OPRM1: variants seen among roughly 807,000 people sequenced by gnomAD.
The protein encoded by OPRM1 is mu-type opioid receptor.
OPRM1 carries 27 observed loss-of-function variants against 31.8 expected under a neutral mutation model. The observed-to-expected ratio is 0.85, with a 90% CI of 0.63 to 1.17. OPRM1 has a LOEUF of 1.17. Ranked by LOEUF, OPRM1 falls within the 50% of genes most tolerant of loss-of-function variation. The pLI is 0.00. For missense variants in OPRM1, 536 were observed against 511.1 expected, an observed-to-expected ratio of 1.05 and a Z score of -0.47; for synonymous variants, 196 against 189.9, an observed-to-expected ratio of 1.03 and a Z score of -0.26.
intron 1 of OPRM1, chr6:154,087,540 A>G (rs770999845): frequency 4.1e-6 from 4 of 985,328 alleles, no homozygotes; most frequent in South Asian, 4.7e-5. Context: ...TTTTCAGACA[A>G]GCTCCTCCAG....
intron 1 of OPRM1, among the ~76,000 whole-genome samples, chr6:154,070,521 AG>A (rs1786472712): frequency 6.6e-6 from 1 of 152,238 alleles, no homozygotes; most frequent in Non-Finnish European, 1.5e-5. Flanking sequence ...AACTCTTTAG[AG>A]CAATGCCTGG....
At position 154,129,850 on chromosome 6, in the gene OPRM1, C is replaced by A. The variant is rs628648; in HGVS notation, c.*11129C>A. 0.71 allele frequency among the ~76,000 whole-genome samples: 99,273 copies of A among 139,496 alleles called. 33,611 individuals are homozygous for A. Among genetic ancestry groups the A allele is most frequent in the East Asian group, 0.9 (4,557 of 5,036 alleles). The allele number at this position is 139,496 out of a possible 152,430, so 91.5% of individuals were successfully genotyped here. On this transcript the variant is annotated 3_prime_UTR_variant, in exon 4 of 4. Transcript: ENST00000330432. ...CTTTACCACCGACACCCTCCCCCCC[C>A]AGCACACACACACACACACACACAC...
At chr6:154,116,246 T>A (rs558984656) in intron 3 of OPRM1, among the ~76,000 whole-genome samples, 1 of 152,194 alleles carries the variant, frequency 6.6e-6, no homozygotes, top group East Asian at 1.9e-4. Flanking sequence ...CCCTCAGGCT[T>A]TAAATAGCTT....
At chr6:154,027,365 G>A (rs531719459) in intron 1 of OPRM1, among the ~76,000 whole-genome samples, 1 of 152,290 alleles carries the variant, frequency 6.6e-6, no homozygotes, top group Admixed American at 6.5e-5. Flanking sequence ...TGTGGAGCTG[G>A]TGGTGGTGTG....
At chr6:154,025,039 G>A (rs1270469573) in intron 1 of OPRM1, among the ~76,000 whole-genome samples, 1 of 151,964 alleles carries the variant, frequency 6.6e-6, no homozygotes, top group Non-Finnish European at 1.5e-5. Flanking sequence ...AAGTCCATTT[G>A]GTCTATAGTA....
chr6:154,154,591 A>C (rs1281255369), intron 3 of OPRM1: 2 of 152,242 alleles, frequency 1.3e-5, no homozygotes, highest in Non-Finnish European at 2.9e-5. Flanking sequence ...CTTGTTGTAG[A>C]CGATCAAAAC....
intron 1 of OPRM1, among the ~76,000 whole-genome samples, chr6:154,081,101 A>C (rs1789005945): frequency 6.6e-6 from 1 of 152,224 alleles, no homozygotes; most frequent in African/African-American, 2.4e-5. Context: ...ACGGCAAGCA[A>C]GCACAGATGT....
At chr6:154,223,608 A>G (rs1185062792) in intron 3 of OPRM1, among the ~76,000 whole-genome samples, 1 of 152,212 alleles carries the variant, frequency 6.6e-6, no homozygotes, top group Non-Finnish European at 1.5e-5. Flanking sequence ...TTCTATTCCT[A>G]CGACTCTAGT....
At chr6:154,080,614 A>T (rs998056916) in intron 1 of OPRM1, among the ~76,000 whole-genome samples, 2 of 151,762 alleles carry the variant, frequency 1.3e-5, no homozygotes, top group Admixed American at 1.3e-4. Flanking sequence ...CTGGAACTTG[A>T]TCCTTCTCTG....
At chr6:154,222,649 T>C (rs1180442817) in intron 3 of OPRM1, among the ~76,000 whole-genome samples, 1 of 152,148 alleles carries the variant, frequency 6.6e-6, no homozygotes, top group Non-Finnish European at 1.5e-5. Context: ...GACCATGAGC[T>C]GGTAATTTTT....
At chr6:154,071,021 G>T (rs139821892) in intron 1 of OPRM1, among the ~76,000 whole-genome samples, 3 of 152,152 alleles carry the variant, frequency 2.0e-5, no homozygotes, top group Non-Finnish European at 4.4e-5. Flanking sequence ...CCTCTAGAAG[G>T]TATTGAAAAT....
intron 3 of OPRM1, among the ~76,000 whole-genome samples, chr6:154,100,294 T>TATATTATCATATTATGATATATATTATA (rs1794621924): frequency 6.7e-6 from 1 of 149,930 alleles, no homozygotes; most frequent in Admixed American, 6.7e-5. Context: ...TATCATAATA[T>TATATTATCATATTATGATATATATTATA]ATATCAAAAA....
chr6:154,233,061 C>T (rs1004169251), intron 3 of OPRM1, among the ~76,000 whole-genome samples: 3 of 151,554 alleles, frequency 2.0e-5, no homozygotes, highest in Non-Finnish European at 4.4e-5. Context: ...CTCCGCCTCC[C>T]GGGTTCAAGT....
At chr6:154,141,225 TG>T (rs1798198753) in intron 3 of OPRM1, among the ~76,000 whole-genome samples, 1 of 152,236 alleles carries the variant, frequency 6.6e-6, no homozygotes, top group African/African-American at 2.4e-5. Context: ...GCTCAGTACA[TG>T]GGCAGCGCGT....
At chr6:154,171,064 T>C (rs1264991746) in intron 3 of OPRM1, among the ~76,000 whole-genome samples, 1 of 152,172 alleles carries the variant, frequency 6.6e-6, no homozygotes, top group African/African-American at 2.4e-5. Context: ...GAAAATAGTT[T>C]GTCCATTTCT....
At chr6:154,210,333 G>A (rs1252744705) in intron 3 of OPRM1, among the ~76,000 whole-genome samples, 1 of 152,206 alleles carries the variant, frequency 6.6e-6, no homozygotes, top group Non-Finnish European at 1.5e-5. Context: ...GGCACAGTGT[G>A]AGGGAGAATG....
chr6:154,025,739 A>G (rs373418725), intron 1 of OPRM1, among the ~76,000 whole-genome samples: 6 of 151,998 alleles, frequency 3.9e-5, no homozygotes, highest in Non-Finnish European at 8.8e-5. Flanking sequence ...TGCAAATACT[A>G]TCTTGTAACT....
rs184442474 is a variant in OPRM1, at chr6:154,165,254, G to A, written c.1164+73782G>A. Among the ~76,000 whole-genome samples, 330 of 152,160 alleles carry A rather than the reference G, an allele frequency of 2.2e-3. 1 individual carries two copies. Among genetic ancestry groups the A allele is most frequent in the Non-Finnish European group, 2.8e-3 (191 of 67,988 alleles). On this transcript the variant is annotated intron_variant, in intron 3 of 3. Transcript: ENST00000337049. Reference sequence around the variant, plus strand: ...TACTACCAGGGTCACAGAAGGACCCGCACCCAGCACTCAGAAGCTCCATTC... The same window carrying A: ...TACTACCAGGGTCACAGAAGGACCCACACCCAGCACTCAGAAGCTCCATTC...
chr6:154,045,068 TA>T (rs770018322), intron 1 of OPRM1, among the ~76,000 whole-genome samples: 2 of 151,266 alleles, frequency 1.3e-5, no homozygotes, highest in African/African-American at 2.4e-5. Flanking sequence ...CTACTAAAAA[TA>T]AAAAAAATTA....
Sources: allele counts gnomAD v4.1 joint callset (sites outside exome capture counted in the v4.1 genomes callset), GRCh38; gene constraint gnomAD v4.1.1; transcripts MANE v1.5; gene names NCBI Gene and HGNC (gene_info 2026-07-23, HGNC 2026-07-21).